The following ABCA6 variants were observed in gnomAD, a reference collection of about 807,000 sequenced individuals.
ABCA6 encodes ATP binding cassette subfamily A member 6, also known as ATP-binding cassette sub-family A member 6.
A neutral mutation model predicts 191.2 loss-of-function variants in ABCA6; 164 were observed. That is an observed-to-expected ratio of 0.86 (90% CI 0.76 to 0.98). ABCA6 has a LOEUF of 0.98. Among genes scored for constraint, ABCA6 ranks in the 50% least tolerant of loss-of-function variants. ABCA6 has a pLI of 0.00. For missense variants in ABCA6, 1,958 were observed against 1,894.1 expected (o/e 1.03, Z -0.63); for synonymous variants, 636 against 647.7 (o/e 0.98, Z 0.27).
intron 26 of ABCA6, among the ~76,000 whole-genome samples, chr17:69,090,069 A>G (rs11656320): frequency 0.79 from 119,947 of 152,186 alleles, 50,675 homozygotes; most frequent in Non-Finnish European, 0.94. Flanking sequence ...ATAATACATG[A>G]CAGATCAAGA....
intron 4 of ABCA6, 42 bp from the exon 5 acceptor site, chr17:69,134,784 G>A: frequency 7.4e-7 from 1 of 1,359,718 alleles, no homozygotes; most frequent in East Asian, 2.3e-5. Flanking sequence ...TATGGGACGA[G>A]GGCAGTTGGA....
chr17:69,129,358 A>G (rs147466644), intron 7 of ABCA6, among the ~76,000 whole-genome samples: 1 of 152,310 alleles, frequency 6.6e-6, no homozygotes, highest in East Asian at 1.9e-4. Context: ...TTTTAGAGTC[A>G]GCATTGTTTT....
At position 69,129,661 on chromosome 17, in the gene ABCA6, C is replaced by A; in HGVS notation, c.882G>T (p.Met294Ile). 1 of 1,605,346 alleles carries A rather than the reference C, an allele frequency of 6.2e-7. No individual in the cohort carries two copies. The highest frequency in any genetic ancestry group is 1.1e-5 in the South Asian group (1 of 90,464). The change falls in exon 7 of 39, where the codon ATG becomes ATT. Residue 294 changes from methionine to isoleucine, a missense_variant. Met to Ile is a conservative substitution (Grantham distance 10, BLOSUM62 1). Transcript: ENST00000284425. Reference sequence around the variant, plus strand: ...GTATAAATATGACCATGAAGCCAGTCATGACTATAATTTGGGTGAATGTTA... The same window carrying A: ...GTATAAATATGACCATGAAGCCAGTAATGACTATAATTTGGGTGAATGTTA... ...IIITFTQIIV[M>I]TGFMVIFILF... is the part of the protein sequence containing the mutation.
chr17:69,085,519 C>CAAAAAAAAAAAA (rs35438104), intron 31 of ABCA6, 106 bp downstream of exon 31: 2 of 438,130 alleles, frequency 4.6e-6, no homozygotes, highest in African/African-American at 2.8e-5. Context: ...TATCCAAAGG[C>CAAAAAAAAAAAA]AAAAAAAAAA....
chr17:69,134,137 A>C (rs991972617), intron 5 of ABCA6, among the ~76,000 whole-genome samples: 2 of 152,184 alleles, frequency 1.3e-5, no homozygotes, highest in Non-Finnish European at 2.9e-5. Context: ...ATAGATATGC[A>C]ATGTGTTCCT....
intron 17 of ABCA6, 60 bp downstream of exon 17, chr17:69,110,741 T>C: frequency 6.7e-7 from 1 of 1,499,142 alleles, no homozygotes; most frequent in East Asian, 2.4e-5. Flanking sequence ...AAAATTATTT[T>C]AATAATAATG....
intron 18 of ABCA6, 51 bp downstream of exon 18, chr17:69,107,645 C>T: frequency 8.3e-7 from 1 of 1,198,056 alleles, no homozygotes; most frequent in African/African-American, 1.5e-5. Flanking sequence ...ACTAAATTGA[C>T]ACATGATCAT....
intron 11 of ABCA6, 115 bp downstream of exon 11, chr17:69,117,783 T>C: frequency 1.4e-6 from 1 of 701,664 alleles, no homozygotes; most frequent in Non-Finnish European, 2.4e-6. Context: ...GCGTTATTTA[T>C]ATTCTTTTTT....
intron 10 of ABCA6, among the ~76,000 whole-genome samples, chr17:69,120,953 T>C (rs2073629229): frequency 6.6e-6 from 1 of 152,034 alleles, no homozygotes; most frequent in Admixed American, 6.6e-5. Flanking sequence ...CTACAAACTT[T>C]CATCCATACC....
chr17:69,123,699 T>C (rs2073694539), intron 9 of ABCA6, among the ~76,000 whole-genome samples: 1 of 152,016 alleles, frequency 6.6e-6, no homozygotes, highest in Non-Finnish European at 1.5e-5. Context: ...TCGAATAAAA[T>C]ATTAGGTGTA....
chr17:69,133,944 T>C, intron 5 of ABCA6, 77 bp from the exon 6 acceptor site: 1 of 1,036,452 alleles, frequency 9.6e-7, no homozygotes, highest in South Asian at 1.8e-5. Flanking sequence ...CTCTGTGTAT[T>C]TTACTTATGT....
chr17:69,114,852 G>T lies in ABCA6; in HGVS notation c.1692C>A (p.Phe564Leu), dbSNP rs535844796. Reference protein sequence around the residue: ...IRKITGVCPQFNVQFDILTVK... With the variant: ...IRKITGVCPQLNVQFDILTVK... The stretch of plus-strand genomic sequence containing the variant: ...CGGTGAGTATGTCAAATTGAACATT[G>T]AATTGAGGACAGACGCCAGTTATCT... The change falls in exon 13 of 39, where the codon TTC becomes TTA. Residue 564 changes from phenylalanine (F) to leucine (L), a missense_variant. Physicochemically the swap from Phe to Leu is conservative, Grantham distance 22 (BLOSUM62 0). Transcript: ENST00000284425. The T allele has an allele frequency of 6.2e-7, 1 of 1,612,644 alleles. No individual in the cohort carries two copies. The highest frequency in any genetic ancestry group is 1.7e-5 in the Admixed American group (1 of 59,870).
chr17:69,139,526 G>C (rs539784188), intron 2 of ABCA6, among the ~76,000 whole-genome samples: 3,072 of 152,228 alleles, frequency 0.02, 60 homozygotes, highest in Non-Finnish European at 0.029. Context: ...AACCATTGTG[G>C]AAGTCAGTGT....
At chr17:69,113,917 G>A (rs1285041496) in intron 13 of ABCA6, among the ~76,000 whole-genome samples, 180 bp from the exon 14 acceptor site, 1 of 152,096 alleles carries the variant, frequency 6.6e-6, no homozygotes, top group Non-Finnish European at 1.5e-5. Flanking sequence ...GGAAACAACA[G>A]GTGCTGGAGA....
intron 30 of ABCA6, 138 bp downstream of exon 30, chr17:69,086,480 A>G (rs1361040621): frequency 1.7e-5 from 2 of 119,644 alleles, no homozygotes; most frequent in African/African-American, 1.2e-4. Context: ...ACTCCCTGGC[A>G]CACTAAATAT....
rs1194400879 is a variant in ABCA6 at position 69,085,711 on chromosome 17, T to C, written c.3943A>G (p.Ile1315Val). 2.5e-6 allele frequency: 4 copies of C among 1,597,998 alleles called. No homozygotes were observed. The highest frequency in any genetic ancestry group is 1.3e-5 in the African/African-American group (1 of 74,556). Reference sequence around the variant, plus strand: ...CCATTGGGTCCTAGCAATCCCAAAATTTCACCTGAAAGAAAGAATCAGACT... The same window carrying C: ...CCATTGGGTCCTAGCAATCCCAAAACTTCACCTGAAAGAAAGAATCAGACT... Reference protein sequence around the residue: ...NISFCVQEGEILGLLGPNGAG... With the variant: ...NISFCVQEGEVLGLLGPNGAG... Residue 1315 changes from isoleucine (I) to valine (V), a missense_variant, in exon 31 of 39, where the codon ATT becomes GTT. Physicochemically the swap from Ile to Val is conservative, Grantham distance 29. Coordinates refer to ENST00000284425, the MANE Select transcript of ABCA6 (RefSeq NM_080284.3).
At chr17:69,096,016 G>A (rs1269611937) in intron 25 of ABCA6, among the ~76,000 whole-genome samples, 2 of 152,156 alleles carry the variant, frequency 1.3e-5, no homozygotes, top group East Asian at 3.8e-4. Context: ...CAGACGTCAG[G>A]TCTTCTGTAA....
intron 2 of ABCA6, among the ~76,000 whole-genome samples, chr17:69,140,112 A>T (rs2074006165): frequency 6.6e-6 from 1 of 151,584 alleles, no homozygotes; most frequent in African/African-American, 2.4e-5. Flanking sequence ...ATAAAAAAAT[A>T]AAAAATAAAA....
In ABCA6 at chr17:69,079,302, C is replaced by T. The variant is rs538737869; in HGVS notation, c.4697-37G>A. The T allele has an allele frequency of 2.7e-6, 4 of 1,496,318 alleles. No homozygotes were observed. The East Asian group carries it at 6.9e-5, about 26-fold the overall frequency. 92.7% of individuals were successfully genotyped at this position (1,496,318 alleles called of 1,614,324 possible). On this transcript the variant is annotated intron_variant, in intron 37 of 38. Coordinates refer to ENST00000284425, the MANE Select transcript of ABCA6 (RefSeq NM_080284.3). ...AAAAGACTAGTATTAATAGTAGATGCTTACAATTTATTACCAAGAATTTTT... is the reference window on the plus strand; with the variant it reads ...AAAAGACTAGTATTAATAGTAGATGTTTACAATTTATTACCAAGAATTTTT...
Sources: allele counts gnomAD v4.1 joint callset (sites outside exome capture counted in the v4.1 genomes callset), GRCh38; gene constraint gnomAD v4.1.1; transcripts MANE v1.5; gene names NCBI Gene and HGNC (gene_info 2026-07-23, HGNC 2026-07-21).